The following CIMIP6 variants were observed in gnomAD, a reference collection of about 807,000 sequenced individuals.
The protein encoded by CIMIP6 is ciliary microtubule inner protein 6, also known as uncharacterized protein C2orf73.
chr2:54,375,874 A>C, the CIMIP6 span, among the ~76,000 whole-genome samples: 5 of 121,894 alleles, frequency 4.1e-5, no homozygotes, highest in Non-Finnish European at 8.4e-5. Context: ...AAATTTTCAA[A>C]TCATATAGGG....
At chr2:54,379,976 T>C in the CIMIP6 span, among the ~76,000 whole-genome samples, 1 of 136,708 alleles carries the variant, frequency 7.3e-6, no homozygotes, top group African/African-American at 2.7e-5. Context: ...AAAGTCCTTC[T>C]AAAAAAAAAA....
At chr2:54,381,794 C>A in the CIMIP6 span, 1 of 1,501,068 alleles carries the variant, frequency 6.7e-7, no homozygotes, top group African/African-American at 1.4e-5. Context: ...GATTGTAAAC[C>A]ATCAGACTTT....
At chr2:54,340,201 C>G in the CIMIP6 span, among the ~76,000 whole-genome samples, 11 of 74,296 alleles carry the variant, frequency 1.5e-4, 3 homozygotes, top group East Asian at 2.7e-3. Flanking sequence ...TAGGCAAAAC[C>G]CCCTCTACAA....
the CIMIP6 span, among the ~76,000 whole-genome samples, chr2:54,382,560 T>C: frequency 2.6e-5 from 4 of 152,070 alleles, no homozygotes; most frequent in African/African-American, 9.7e-5. Flanking sequence ...CTCTCCAGTA[T>C]CTCTACCTCT....
At chr2:54,367,689 C>T in the CIMIP6 span, among the ~76,000 whole-genome samples, 1 of 151,956 alleles carries the variant, frequency 6.6e-6, no homozygotes, top group African/African-American at 2.4e-5. Context: ...AACTTCATTG[C>T]CAACTTAAGA....
the CIMIP6 span, among the ~76,000 whole-genome samples, chr2:54,367,864 A>C: frequency 6.6e-6 from 1 of 152,172 alleles, no homozygotes; most frequent in Non-Finnish European, 1.5e-5. Context: ...TATTTTCTTT[A>C]TTACAAAAAT....
At chr2:54,382,369 C>T in the CIMIP6 span, among the ~76,000 whole-genome samples, 1 of 151,978 alleles carries the variant, frequency 6.6e-6, no homozygotes, top group Non-Finnish European at 1.5e-5. Context: ...CCCTGAAAAG[C>T]AATATAAACA....
chr2:54,347,743 A>T, the CIMIP6 span, among the ~76,000 whole-genome samples: 1 of 152,198 alleles, frequency 6.6e-6, no homozygotes, highest in East Asian at 1.9e-4. Context: ...CAGGAGTCCC[A>T]TAAGCAGTCC....
At chr2:54,346,685 C>G in the CIMIP6 span, among the ~76,000 whole-genome samples, 1 of 152,196 alleles carries the variant, frequency 6.6e-6, no homozygotes, top group African/African-American at 2.4e-5. Flanking sequence ...AATTGTGACA[C>G]CTCTATCTCC....
At chr2:54,357,245 G>T in the CIMIP6 span, among the ~76,000 whole-genome samples, 134,698 of 152,256 alleles carry the variant, frequency 0.88, 59,760 homozygotes, top group Admixed American at 0.91. Flanking sequence ...TATTAGTCAT[G>T]CTTGCTAATA....
the CIMIP6 span, among the ~76,000 whole-genome samples, chr2:54,347,243 T>C: frequency 1.3e-5 from 2 of 152,336 alleles, no homozygotes; most frequent in South Asian, 2.1e-4. Context: ...GGAGTTGGAC[T>C]GAATTTTTAA....
At chr2:54,341,534 G>C in the CIMIP6 span, among the ~76,000 whole-genome samples, 2 of 152,158 alleles carry the variant, frequency 1.3e-5, no homozygotes, top group Non-Finnish European at 2.9e-5. Flanking sequence ...TGCACTTACA[G>C]CCTCTATTTT....
At chr2:54,373,707 A>G in the CIMIP6 span, among the ~76,000 whole-genome samples, 2 of 152,162 alleles carry the variant, frequency 1.3e-5, no homozygotes, top group Non-Finnish European at 2.9e-5. Context: ...ACTCCTTGGC[A>G]TGGCATCAGT....
chr2:54,363,915 A>G, the CIMIP6 span, among the ~76,000 whole-genome samples: 1 of 152,228 alleles, frequency 6.6e-6, no homozygotes, highest in East Asian at 1.9e-4. Flanking sequence ...CTTGTGTCCC[A>G]CATAATTTAG....
chr2:54,351,316 C>T, the CIMIP6 span, among the ~76,000 whole-genome samples: 1 of 152,178 alleles, frequency 6.6e-6, no homozygotes, highest in African/African-American at 2.4e-5. Context: ...AATAAAGACA[C>T]ATGCATGCAT....
the CIMIP6 span, chr2:54,360,164 CGT>C: frequency 6.7e-7 from 1 of 1,490,412 alleles, no homozygotes; most frequent in South Asian, 1.4e-5. Flanking sequence ...CAGCAATCTG[CGT>C]TCTCCTGGTT....
chr2:54,331,877 C>T, the CIMIP6 span, among the ~76,000 whole-genome samples: 39,629 of 152,188 alleles, frequency 0.26, 6,600 homozygotes, highest in Non-Finnish European at 0.37. Flanking sequence ...GGTTCTCACA[C>T]TTGAACGTGC....
the CIMIP6 span, among the ~76,000 whole-genome samples, chr2:54,352,399 G>A: frequency 6.6e-6 from 1 of 152,034 alleles, no homozygotes; most frequent in East Asian, 1.9e-4. Context: ...TCTGATCCAT[G>A]GCTAGGTATT....
At chr2:54,378,329 C>T in the CIMIP6 span, among the ~76,000 whole-genome samples, 5 of 152,246 alleles carry the variant, frequency 3.3e-5, no homozygotes, top group Admixed American at 2.0e-4. Flanking sequence ...CAGCCTCACA[C>T]GGCTTTGCAG....
Sources: gnomAD v4.1 joint callset for allele counts (sites outside exome capture counted in the v4.1 genomes callset) on GRCh38, gnomAD v4.1.1 for gene constraint, MANE v1.5 for transcripts, NCBI Gene and HGNC (gene_info 2026-07-23, HGNC 2026-07-21) for gene names.